ZNF277: variants seen among roughly 807,000 people sequenced by gnomAD.
ZNF277 encodes nuclear receptor-interacting factor 4.
Under a neutral mutation model 60.7 loss-of-function variants are expected in ZNF277, and 55 were observed. The ratio of observed to expected loss-of-function variants is 0.91; its 90% confidence interval spans 0.73 to 1.13. The LOEUF is 1.13. Among genes scored for constraint, ZNF277 ranks in the 50% most tolerant of loss-of-function variants. The pLI, the probability that ZNF277 is intolerant of heterozygous loss-of-function variation, is 0.00. For missense variants in ZNF277, 510 were observed against 523.0 expected, an observed-to-expected ratio of 0.98 and a Z score of 0.24; for synonymous variants, 178 against 179.3, an observed-to-expected ratio of 0.99 and a Z score of 0.06.
At chr7:112,252,295 G>C (rs894554320) in intron 1 of ZNF277, among the ~76,000 whole-genome samples, 3 of 152,110 alleles carry the variant, frequency 2.0e-5, no homozygotes, top group Non-Finnish European at 4.4e-5. Context: ...GAAAAACAAG[G>C]CTGCTGAGTG....
chr7:112,219,227 A>G (rs1268715667), intron 1 of ZNF277, among the ~76,000 whole-genome samples: 1 of 152,196 alleles, frequency 6.6e-6, no homozygotes, highest in Non-Finnish European at 1.5e-5. Flanking sequence ...GCATTTCTTC[A>G]TATACCTGTT....
At chr7:112,277,901 A>G (rs1584370550) in intron 1 of ZNF277, among the ~76,000 whole-genome samples, 1 of 152,346 alleles carries the variant, frequency 6.6e-6, no homozygotes, top group East Asian at 1.9e-4. Flanking sequence ...CATATGTTTG[A>G]CTAAAAGTAA....
At chr7:112,252,917 C>G (rs1791230183) in intron 1 of ZNF277, among the ~76,000 whole-genome samples, 1 of 152,214 alleles carries the variant, frequency 6.6e-6, no homozygotes, top group African/African-American at 2.4e-5. Context: ...GGAACTGGGC[C>G]ACCTACTGAG....
intron 4 of ZNF277, among the ~76,000 whole-genome samples, chr7:112,315,909 C>T (rs547167178): frequency 2.4e-4 from 37 of 152,126 alleles, no homozygotes; most frequent in African/African-American, 8.7e-4. Flanking sequence ...TAATGCTGCC[C>T]GACCTCTCCA....
intron 7 of ZNF277, 138 bp downstream of exon 7, chr7:112,330,354 G>C: frequency 2.6e-6 from 2 of 772,466 alleles, no homozygotes. Context: ...GTAGTGATTA[G>C]CTTTGAAATG....
At chr7:112,219,316 AC>A (rs1196130936) in intron 1 of ZNF277, among the ~76,000 whole-genome samples, 2 of 152,066 alleles carry the variant, frequency 1.3e-5, no homozygotes, top group African/African-American at 4.8e-5. Flanking sequence ...AGAAACTTTT[AC>A]CCTATTTTTT....
chr7:112,309,818 T>C (rs540253179), intron 4 of ZNF277, among the ~76,000 whole-genome samples: 5 of 152,124 alleles, frequency 3.3e-5, no homozygotes, highest in Admixed American at 6.5e-5. Context: ...TTCAGTAGTT[T>C]GCTATAATGA....
intron 1 of ZNF277, among the ~76,000 whole-genome samples, chr7:112,270,197 C>T (rs1479834446): frequency 6.6e-6 from 1 of 152,076 alleles, no homozygotes; most frequent in Admixed American, 6.6e-5. Context: ...TCCTTGAATT[C>T]TAGGATTCAT....
chr7:112,256,102 G>A (rs1791301230), intron 1 of ZNF277, among the ~76,000 whole-genome samples: 1 of 152,010 alleles, frequency 6.6e-6, no homozygotes, highest in South Asian at 2.1e-4. Context: ...CATACCATAG[G>A]TTTTCAATAA....
At chr7:112,268,623 C>T (rs1280501661) in intron 1 of ZNF277, among the ~76,000 whole-genome samples, 1 of 152,014 alleles carries the variant, frequency 6.6e-6, no homozygotes, top group Non-Finnish European at 1.5e-5. Flanking sequence ...GTTCCTGAAA[C>T]TTTTTTGCAT....
chr7:112,290,077 C>T (rs564787165), intron 2 of ZNF277, among the ~76,000 whole-genome samples: 10 of 152,302 alleles, frequency 6.6e-5, no homozygotes, highest in Admixed American at 2.6e-4. Flanking sequence ...CCACCCACCT[C>T]GGCCTCCTGA....
chr7:112,279,043 A>C (rs1186198695), intron 1 of ZNF277, among the ~76,000 whole-genome samples: 2 of 152,150 alleles, frequency 1.3e-5, no homozygotes, highest in Admixed American at 6.6e-5. Flanking sequence ...TTCAAGGTTC[A>C]TTCCTTTTAA....
intron 7 of ZNF277, among the ~76,000 whole-genome samples, chr7:112,330,985 C>G (rs1793217409): frequency 6.6e-6 from 1 of 152,142 alleles, no homozygotes; most frequent in Non-Finnish European, 1.5e-5. Flanking sequence ...TTGCTCTTTC[C>G]CCTTCACCCC....
intron 1 of ZNF277, among the ~76,000 whole-genome samples, chr7:112,216,557 C>T (rs1821889102): frequency 6.6e-6 from 1 of 152,154 alleles, no homozygotes. Flanking sequence ...GATCCGCCCA[C>T]CTCAGCCTCA....
In ZNF277 at chr7:112,290,248, C is replaced by T. The variant is rs140619802; in HGVS notation, c.293+3174C>T. Reference sequence around the variant, plus strand: ...TTTAAGATTTTTCTTTCTCCTCTGCCCGTAAAGTATGTGAGGAATGTCTGA... The same window carrying T: ...TTTAAGATTTTTCTTTCTCCTCTGCTCGTAAAGTATGTGAGGAATGTCTGA... On this transcript the variant is annotated intron_variant, in intron 2 of 11. Transcript: ENST00000361822. Among the ~76,000 whole-genome samples the T allele has an allele frequency of 8.7e-3, 1,330 of 152,254 alleles. 73 individuals are homozygous for T. Among genetic ancestry groups the T allele is most frequent in the Admixed American group, 0.081 (1,243 of 15,282 alleles).
At chr7:112,229,354 A>C (rs1822263536) in intron 1 of ZNF277, among the ~76,000 whole-genome samples, 1 of 152,222 alleles carries the variant, frequency 6.6e-6, no homozygotes, top group Non-Finnish European at 1.5e-5. Flanking sequence ...ACAACACTGC[A>C]AAGAAGAGTC....
intron 4 of ZNF277, among the ~76,000 whole-genome samples, chr7:112,311,716 GA>G (rs11372217): frequency 3.0e-4 from 44 of 147,378 alleles, no homozygotes; most frequent in Admixed American, 6.8e-4. Context: ...GTAAGGGAAA[GA>G]AAAAAAAAGA....
intron 5 of ZNF277, among the ~76,000 whole-genome samples, chr7:112,322,994 G>T (rs185328277): frequency 1.8e-4 from 27 of 151,300 alleles, no homozygotes; most frequent in African/African-American, 6.5e-4. Context: ...TTCAGATAAT[G>T]ATCCGACAGA....
At chr7:112,266,637 G>GT (rs1791558580) in intron 1 of ZNF277, among the ~76,000 whole-genome samples, 1 of 151,996 alleles carries the variant, frequency 6.6e-6, no homozygotes, top group South Asian at 2.1e-4. Flanking sequence ...CCAGCATATC[G>GT]TAACAACCAA....
Sources: allele counts gnomAD v4.1 joint callset (sites outside exome capture counted in the v4.1 genomes callset), GRCh38; gene constraint gnomAD v4.1.1; transcripts MANE v1.5; gene names NCBI Gene and HGNC (gene_info 2026-07-23, HGNC 2026-07-21).